Variants in ZC2HC1B observed in about 807,000 individuals in gnomAD.
The protein encoded by ZC2HC1B is zinc finger C2HC-type containing 1B.
Under a neutral mutation model 31.0 loss-of-function variants are expected in ZC2HC1B, and 36 were observed. That is an observed-to-expected ratio of 1.16 (90% CI 0.89 to 1.54). The LOEUF (loss-of-function observed/expected upper bound fraction) is 1.54. Among genes scored for constraint, ZC2HC1B ranks in the 40% most tolerant of loss-of-function variants. ZC2HC1B has a pLI of 0.00. For synonymous variants in ZC2HC1B, 73 were observed against 88.0 expected (o/e 0.83, Z 0.95); for missense variants, 260 against 268.6 (o/e 0.97, Z 0.22).
rs144444956 is a variant in ZC2HC1B at position 143,934,074 on chromosome 6, C to A, written c.599-3575C>A. On this transcript the variant is annotated intron_variant, in intron 6 of 7. Coordinates refer to ENST00000237275, the MANE Select transcript of ZC2HC1B (RefSeq NM_001013623.3). The surrounding 1 kb of genome is among the most constrained non-coding windows in gnomAD (Gnocchi z 4.6). ...CTGCTTCTACTTTTACATTTCACAGCAAATCAATTTCAGCTCTAGGTAAGG... is the reference window on the plus strand; with the variant it reads ...CTGCTTCTACTTTTACATTTCACAGAAAATCAATTTCAGCTCTAGGTAAGG... Among the ~76,000 whole-genome samples the A allele has an allele frequency of 1.9e-3, 290 of 152,312 alleles. 5 individuals are homozygous for A. Among genetic ancestry groups the A allele is most frequent in the East Asian group, 0.012 (63 of 5,180 alleles).
rs368315179 is a variant in ZC2HC1B, at chr6:143,899,378, CTGTT to C, written c.489+689_489+692del. Among the ~76,000 whole-genome samples the C allele has an allele frequency of 5.3e-5, 8 of 151,994 alleles. No homozygotes were observed. The highest frequency in any genetic ancestry group is 1.9e-4 in the East Asian group (1 of 5,200). ...TCTGGATACTTTAAGTGTATACAGA[CTGTT>C]TATTTATTTTTGAGACAGGGGCTCA... On this transcript the variant is annotated intron_variant, in intron 5 of 7. Transcript: ENST00000237275. This position sits in a 1 kb window ranked among gnomAD's most constrained non-coding sequence, Gnocchi z 5.0.
rs186697171 is a variant in ZC2HC1B, at chr6:143,865,550, G to A, written c.28+983G>A. Among the ~76,000 whole-genome samples, 5 of 152,262 alleles carry A rather than the reference G, an allele frequency of 3.3e-5. No individual in the cohort carries two copies. The highest frequency in any genetic ancestry group is 1.9e-4 in the East Asian group (1 of 5,182). On this transcript the variant is annotated intron_variant, in intron 1 of 7. Coordinates refer to ENST00000237275, the MANE Select transcript of ZC2HC1B (RefSeq NM_001013623.3). This position sits in a 1 kb window ranked among gnomAD's most constrained non-coding sequence, Gnocchi z 4.4. ...TATGTTCTCCACAACATCTGTTGACGCAGAGGACTGTTTTTCAGTCTCCTC... is the reference window on the plus strand; with the variant it reads ...TATGTTCTCCACAACATCTGTTGACACAGAGGACTGTTTTTCAGTCTCCTC...
rs865996261 is a variant in ZC2HC1B at position 143,908,137 on chromosome 6, G to C, written c.598+4985G>C. On this transcript the variant is annotated intron_variant, in intron 6 of 7. Coordinates refer to ENST00000237275, the MANE Select transcript of ZC2HC1B (RefSeq NM_001013623.3). The surrounding 1 kb of genome is among the most constrained non-coding windows in gnomAD (Gnocchi z 4.4). ...TCTCTATTCTGTTCCATTGGTCTCTGAGTCTTTTTGTACTAGTGTAATGCT... is the reference window on the plus strand; with the variant it reads ...TCTCTATTCTGTTCCATTGGTCTCTCAGTCTTTTTGTACTAGTGTAATGCT... Among the ~76,000 whole-genome samples, 18 of 152,026 alleles carry C rather than the reference G, an allele frequency of 1.2e-4. No homozygotes were observed. Among genetic ancestry groups the C allele is most frequent in the Admixed American group, 4.6e-4 (7 of 15,234 alleles).
In ZC2HC1B at chr6:143,895,926, G is replaced by A. The variant is rs1777660169; in HGVS notation, c.350-2626G>A. Among the ~76,000 whole-genome samples the A allele has an allele frequency of 6.6e-6, 1 of 152,214 alleles. No individual in the cohort carries two copies. Among genetic ancestry groups the A allele is most frequent in the Non-Finnish European group, 1.5e-5 (1 of 68,026 alleles). ...TTTTATGAAAACATTATTGATAGAG[G>A]AAGAGAGGTGACTCCGATTGAGCTG... On this transcript the variant is annotated intron_variant, in intron 4 of 7. Transcript: ENST00000237275. This position sits in a 1 kb window ranked among gnomAD's most constrained non-coding sequence, Gnocchi z 4.8.
rs1433496265 is a variant in ZC2HC1B at position 143,885,486 on chromosome 6, C to G, written c.91-546C>G. On this transcript the variant is annotated intron_variant, in intron 2 of 7. Coordinates refer to ENST00000237275, the MANE Select transcript of ZC2HC1B (RefSeq NM_001013623.3). The surrounding 1 kb of genome is among the most constrained non-coding windows in gnomAD (Gnocchi z 4.2). ...ATTGATCAAATGATTTGATCTTTCT[C>G]TCTCCTTTAGCTTAAAATGGATGGC... Among the ~76,000 whole-genome samples, 2 of 152,202 alleles carry G rather than the reference C, an allele frequency of 1.3e-5. No individual in the cohort carries two copies. The highest frequency in any genetic ancestry group is 2.1e-4 in the South Asian group (1 of 4,832).
rs1777527884 is a variant in ZC2HC1B at position 143,886,073 on chromosome 6, G to A, written c.132G>A (p.Lys44=). ...TATGTAAGAAACTCTTCAACAGAAA[G>A]CGTAAACCTTTCAGTTCTTTGAAGC... The part of the protein sequence containing the change: ...GPICKKLFNR[K]RKPFSSLKQR... The change falls in exon 3 of 8, where the codon AAG becomes AAA. Residue 44 remains lysine (K), a synonymous_variant. Transcript: ENST00000237275. The surrounding 1 kb of genome is among the most constrained non-coding windows in gnomAD (Gnocchi z 4.2). 4 of 1,548,428 alleles carry A rather than the reference G, an allele frequency of 2.6e-6. No individual in the cohort carries two copies. Among genetic ancestry groups the A allele is most frequent in the Non-Finnish European group, 3.5e-6 (4 of 1,146,004 alleles).
intron 6 of ZC2HC1B, among the ~76,000 whole-genome samples, chr6:143,907,555 T>C (rs928901463): frequency 6.6e-6 from 1 of 152,250 alleles, no homozygotes; most frequent in Non-Finnish European, 1.5e-5. Flanking sequence ...TTTTCATATG[T>C]TTGTTGGCTG....
intron 6 of ZC2HC1B, among the ~76,000 whole-genome samples, chr6:143,904,635 C>T (rs1406504913): frequency 2.0e-5 from 3 of 152,118 alleles, no homozygotes; most frequent in African/African-American, 7.2e-5. Flanking sequence ...TCTTTGGTTG[C>T]CTCTGGTGAC....
rs986824581 is a variant in ZC2HC1B, at chr6:143,870,960, T to C, written c.28+6393T>C. On this transcript the variant is annotated intron_variant, in intron 1 of 7. Transcript: ENST00000237275. This position sits in a 1 kb window ranked among gnomAD's most constrained non-coding sequence, Gnocchi z 4.7. ...TGGCAGCTTCAGGTCACTTGATAAA[T>C]GGGCCGGATTAACACACCCACATGA... 1.3e-5 allele frequency among the ~76,000 whole-genome samples: 2 copies of C among 152,050 alleles called. No individual in the cohort carries two copies. The highest frequency in any genetic ancestry group is 4.8e-5 in the African/African-American group (2 of 41,394).
At position 143,884,925 on chromosome 6, in the gene ZC2HC1B, A is replaced by C. The variant is rs1777512492; in HGVS notation, c.90+560A>C. On this transcript the variant is annotated intron_variant, in intron 2 of 7. Transcript: ENST00000237275. This position sits in a 1 kb window ranked among gnomAD's most constrained non-coding sequence, Gnocchi z 5.1. Reference sequence around the variant, plus strand: ...TGTTGTACAGATTCAAGCTAACGGCATGTCAAGTCCCCGATTGATGGCTAT... The same window carrying C: ...TGTTGTACAGATTCAAGCTAACGGCCTGTCAAGTCCCCGATTGATGGCTAT... Among the ~76,000 whole-genome samples the C allele has an allele frequency of 6.6e-6, 1 of 152,224 alleles. No homozygotes were observed. The highest frequency in any genetic ancestry group is 1.5e-5 in the Non-Finnish European group (1 of 68,044).
intron 6 of ZC2HC1B, among the ~76,000 whole-genome samples, chr6:143,930,351 T>C (rs1243363847): frequency 6.6e-6 from 1 of 151,592 alleles, no homozygotes; most frequent in African/African-American, 2.4e-5. Context: ...GTTGTTTAAC[T>C]TTCATGTATT....
chr6:143,926,954 G>GCGCCCGCCACCA lies in ZC2HC1B; in HGVS notation c.599-10689_599-10688insCCACCACGCCCG, dbSNP rs1275179585. On this transcript the variant is annotated intron_variant, in intron 6 of 7. Transcript: ENST00000237275. Reference sequence around the variant, plus strand: ...GCCTCCCGAGTAGCTGGGACTACAGGCGCCCGGCTAATTTTTTGTATTTTT... The same window carrying GCGCCCGCCACCA: ...GCCTCCCGAGTAGCTGGGACTACAGGCGCCCGCCACCACGCCCGGCTAATTTTTTGTATTTTT... Among the ~76,000 whole-genome samples the GCGCCCGCCACCA allele has an allele frequency of 7.5e-4, 34 of 45,498 alleles. 2 individuals are homozygous for GCGCCCGCCACCA. Among genetic ancestry groups the GCGCCCGCCACCA allele is most frequent in the African/African-American group, 4.9e-3 (31 of 6,332 alleles). 29.8% of individuals were successfully genotyped at this position (45,498 alleles called of 152,430 possible). A position where few individuals can be genotyped will look rare whatever the true frequency, so the allele number is the denominator to read the frequency against.
Position 143,895,284 on chromosome 6 carries a change from T to C in ZC2HC1B, c.350-3268T>C, listed in dbSNP as rs1777652315. 6.6e-6 allele frequency among the ~76,000 whole-genome samples: 1 copy of C among 152,182 alleles called. No individual in the cohort carries two copies. Among genetic ancestry groups the C allele is most frequent in the Admixed American group, 6.5e-5 (1 of 15,272 alleles). ...TTCAAGCAATTCTCCTGTTTCAGCC[T>C]CCTGAGTAGCTGGGATTACAGGCGC... On this transcript the variant is annotated intron_variant, in intron 4 of 7. Transcript: ENST00000237275. The surrounding 1 kb of genome is among the most constrained non-coding windows in gnomAD (Gnocchi z 4.8).
intron 1 of ZC2HC1B, among the ~76,000 whole-genome samples, chr6:143,874,801 C>T (rs1777386636): frequency 6.6e-6 from 1 of 152,092 alleles, no homozygotes; most frequent in Non-Finnish European, 1.5e-5. Context: ...GGAGACAGAA[C>T]CAAATCATAT....
intron 1 of ZC2HC1B, among the ~76,000 whole-genome samples, chr6:143,881,333 T>C (rs1777463059): frequency 6.6e-6 from 1 of 151,964 alleles, no homozygotes; most frequent in South Asian, 2.1e-4. Flanking sequence ...GGAGGACTGC[T>C]TGAGCCCAAG....
rs1156776629 is a variant in ZC2HC1B, at chr6:143,869,671, T to C, written c.28+5104T>C. Reference sequence around the variant, plus strand: ...CTTTTCCATGATGGAAGAGGTTCAATGTAATCAACCTGCCAGCAGGTAGCT... The same window carrying C: ...CTTTTCCATGATGGAAGAGGTTCAACGTAATCAACCTGCCAGCAGGTAGCT... On this transcript the variant is annotated intron_variant, in intron 1 of 7. Coordinates refer to ENST00000237275, the MANE Select transcript of ZC2HC1B (RefSeq NM_001013623.3). The surrounding 1 kb of genome is among the most constrained non-coding windows in gnomAD (Gnocchi z 5.2). 6.6e-6 allele frequency among the ~76,000 whole-genome samples: 1 copy of C among 152,188 alleles called. No individual in the cohort carries two copies. Among genetic ancestry groups the C allele is most frequent in the African/African-American group, 2.4e-5 (1 of 41,446 alleles).
Position 143,883,308 on chromosome 6 carries a change from G to A in ZC2HC1B, c.29-996G>A, listed in dbSNP as rs1777491558. Among the ~76,000 whole-genome samples the A allele has an allele frequency of 1.3e-5, 2 of 152,086 alleles. No homozygotes were observed. Among genetic ancestry groups the A allele is most frequent in the Non-Finnish European group, 2.9e-5 (2 of 68,010 alleles). Reference sequence around the variant, plus strand: ...CCTGCTTCAGCCTCCCATAGTGTTGGGATTACAGGCGTGAGCCACCACACC... The same window carrying A: ...CCTGCTTCAGCCTCCCATAGTGTTGAGATTACAGGCGTGAGCCACCACACC... On this transcript the variant is annotated intron_variant, in intron 1 of 7. Transcript: ENST00000237275. The surrounding 1 kb of genome is among the most constrained non-coding windows in gnomAD (Gnocchi z 4.1).
intron 6 of ZC2HC1B, among the ~76,000 whole-genome samples, chr6:143,926,911 C>A (rs561042107): frequency 1.5e-5 from 2 of 136,912 alleles, no homozygotes; most frequent in Non-Finnish European, 1.5e-5. Flanking sequence ...CCCGGGTTCA[C>A]GCCATTCTCC....
Position 143,864,561 on chromosome 6 carries a change from T to C in ZC2HC1B, c.22T>C (p.Leu8=), listed in dbSNP as rs1394398090. 5.8e-6 allele frequency: 9 copies of C among 1,551,502 alleles called. No individual in the cohort carries two copies. Among genetic ancestry groups the C allele is most frequent in the Non-Finnish European group, 7.8e-6 (9 of 1,146,950 alleles). MAGAEPF[L]ADGNQELFPC... The stretch of plus-strand genomic sequence containing the variant: ...CAGAATGGCTGGGGCAGAACCATTT[T>C]TGGCAGGTGAGCTGCACTTGATATC... Residue 8 remains leucine, a synonymous_variant, in exon 1 of 8, where the codon TTG becomes CTG. Transcript: ENST00000237275.
Sources: gnomAD v4.1 joint callset for allele counts (sites outside exome capture counted in the v4.1 genomes callset) on GRCh38, gnomAD v4.1.1 for gene constraint, Gnocchi (gnomAD v3.1) non-coding constraint, MANE v1.5 for transcripts, NCBI Gene and HGNC (gene_info 2026-07-23, HGNC 2026-07-21) for gene names.